The following SSB variants were observed in gnomAD, a reference collection of about 807,000 sequenced individuals.
SSB encodes the protein small RNA binding exonuclease protection factor La.
Under a neutral mutation model 52.9 loss-of-function variants are expected in SSB, and 17 were observed. That is an observed-to-expected ratio of 0.32 (90% CI 0.22 to 0.48). SSB has a LOEUF of 0.48. Ranked by LOEUF, SSB falls within the 20% of genes least tolerant of loss-of-function variation. The pLI is 0.99. For missense variants in SSB, 314 were observed against 463.6 expected (o/e 0.68, Z 2.96); for synonymous variants, 111 against 152.1 (o/e 0.73, Z 1.99).
At chr2:169,807,102 C>T (rs910453439) in intron 6 of SSB, 31 bp downstream of exon 6, 7 of 1,584,112 alleles carry the variant, frequency 4.4e-6, no homozygotes, top group Non-Finnish European at 6.1e-6. Flanking sequence ...TTCTCCTGGC[C>T]TTTTACTTAT....
In SSB at chr2:169,811,778, TC is replaced by T. The variant is rs1689963634; in HGVS notation, c.*23del. On this transcript the variant is annotated 3_prime_UTR_variant, in exon 12 of 12. Coordinates refer to ENST00000260956, the MANE Select transcript of SSB (RefSeq NM_003142.5). ...GTAGTTTAGTAAACCAATTTTTTAT[TC>T]ATTTTAAATAGGTTTTAAACGACTT... is the stretch of plus-strand genomic sequence containing the variant. The T allele has an allele frequency of 6.2e-7, 1 of 1,612,950 alleles. No homozygotes were observed.
At chr2:169,803,606 G>A (rs1689755941) in intron 2 of SSB, among the ~76,000 whole-genome samples, 3 of 151,996 alleles carry the variant, frequency 2.0e-5, no homozygotes, top group Admixed American at 6.6e-5. Flanking sequence ...TGTGCTTGTC[G>A]TCCTAGTTAC....
chr2:169,811,092 T>C (rs772608033), intron 10 of SSB, 48 bp downstream of exon 10: 1 of 1,593,650 alleles, frequency 6.3e-7, no homozygotes, highest in Non-Finnish European at 8.5e-7. Context: ...TGAACCCATT[T>C]ACTTGAGCAA....
chr2:169,811,212 A>G lies in SSB; in HGVS notation c.1027A>G (p.Asn343Asp), dbSNP rs1689945949. ...GRRFKGKGKG[N>D]KAAQPGSGKG... ...TAGATTTAAAGGAAAAGGAAAGGGT[A>G]ATAAAGCTGCCCAGCCTGGGTCTGG... The change falls in exon 11 of 12, where the codon AAT (asparagine) becomes GAT (aspartate). Residue 343 changes from asparagine to aspartate, a missense_variant. Coordinates refer to ENST00000260956, the MANE Select transcript of SSB (RefSeq NM_003142.5). 3 of 1,611,474 alleles carry G rather than the reference A, an allele frequency of 1.9e-6. No homozygotes were observed. The African/African-American group carries it at 4.0e-5, about 22-fold the overall frequency.
chr2:169,808,724 T>C (rs1689880509), intron 7 of SSB, 136 bp from the exon 8 acceptor site: 4 of 991,574 alleles, frequency 4.0e-6, no homozygotes, highest in East Asian at 2.6e-5. Flanking sequence ...CAGTCTAGCA[T>C]TGGACGATCA....
chr2:169,804,009 G>A (rs953072027), intron 2 of SSB, among the ~76,000 whole-genome samples: 9 of 152,214 alleles, frequency 5.9e-5, no homozygotes, highest in African/African-American at 2.2e-4. Flanking sequence ...AAAGTGCTGG[G>A]ATTATGGGCT....
rs1414383106 is a variant in SSB, at chr2:169,808,482, GGACGATTACTTT to G, written c.557_568del (p.Asp186_Phe189del). The G allele has an allele frequency of 3.7e-6, 6 of 1,612,808 alleles. No homozygotes were observed. Among genetic ancestry groups the G allele is most frequent in the Non-Finnish European group, 5.1e-6 (6 of 1,179,298 alleles). On this transcript the variant is annotated inframe_deletion and splice_region_variant, in exon 7 of 12. Coordinates refer to ENST00000260956, the MANE Select transcript of SSB (RefSeq NM_003142.5). The stretch of plus-strand genomic sequence containing the variant: ...AGCCTCTGTACTGTGTGTTCTTTAG[GGACGATTACTTT>G]GCCAAAAAAAATGAAGAAAGAAAAC...
chr2:169,811,858 C>A lies in SSB; in HGVS notation c.*102C>A, dbSNP rs1236493401. 1.2e-6 allele frequency: 2 copies of A among 1,611,958 alleles called. No individual in the cohort carries two copies. Among genetic ancestry groups the A allele is most frequent in the Non-Finnish European group, 8.5e-7 (1 of 1,179,484 alleles). On this transcript the variant is annotated 3_prime_UTR_variant, in exon 12 of 12. Coordinates refer to ENST00000260956, the MANE Select transcript of SSB (RefSeq NM_003142.5). ...CGAATTAGGTCCACTTCAATGTCCA[C>A]CTGTGAGAAAGGAAAAATTTTTTTG...
At chr2:169,810,072 ACAC>A (rs1376718048) in intron 8 of SSB, 2 of 300,972 alleles carry the variant, frequency 6.6e-6, no homozygotes, top group Non-Finnish European at 1.2e-5. Context: ...ACAAAGGAAA[ACAC>A]CAACACTATG....
intron 2 of SSB, among the ~76,000 whole-genome samples, chr2:169,804,249 T>TC (rs1156515412): frequency 1.4e-5 from 2 of 147,170 alleles, no homozygotes; most frequent in Non-Finnish European, 3.0e-5. Flanking sequence ...ACTTTTTTTT[T>TC]TTTTTTTTTT....
chr2:169,806,140 A>AT, intron 4 of SSB: 2 of 333,842 alleles, frequency 6.0e-6, no homozygotes, highest in South Asian at 2.5e-5. Flanking sequence ...CTGGCAAAAA[A>AT]TTTTTTGTAG....
In SSB at chr2:169,811,764, A is replaced by G. The variant is rs186906267; in HGVS notation, c.*8A>G. 1 of 1,613,048 alleles carries G rather than the reference A, an allele frequency of 6.2e-7. No individual in the cohort carries two copies. Among genetic ancestry groups the G allele is most frequent in the East Asian group, 2.2e-5 (1 of 44,844 alleles). On this transcript the variant is annotated 3_prime_UTR_variant, in exon 12 of 12. Transcript: ENST00000260956. ...GGTGCTGGAGACCAGTAGTTTAGTA[A>G]ACCAATTTTTTATTCATTTTAAATA...
chr2:169,811,941 TTG>T lies in SSB; in HGVS notation c.*189_*190del, dbSNP rs543484643. The T allele has an allele frequency of 1.8e-4, 258 of 1,459,086 alleles. No individual in the cohort carries two copies. The South Asian group carries it at 2.8e-3, about 16-fold the overall frequency. The allele number at this position is 1,459,086 out of a possible 1,614,324, so 90.4% of individuals were successfully genotyped here. A position where few individuals can be genotyped will look rare whatever the true frequency, so the allele number is the denominator to read the frequency against. ...GATTTCTTTGAATGTATTGTTCTGT[TTG>T]TGTTATTTCAGATGATTCAAATATC... On this transcript the variant is annotated 3_prime_UTR_variant, in exon 12 of 12. Coordinates refer to ENST00000260956, the MANE Select transcript of SSB (RefSeq NM_003142.5).
In SSB at chr2:169,810,447, T is replaced by G. The variant is rs750229134; in HGVS notation, c.810+24T>G. On this transcript the variant is annotated intron_variant, in intron 9 of 11. Coordinates refer to ENST00000260956, the MANE Select transcript of SSB (RefSeq NM_003142.5). ...AGGTTTGGATACATCCCTATCCTTTTTAGCAATCAGTTTGAAAATCTGTAG... is the reference window on the plus strand; with the variant it reads ...AGGTTTGGATACATCCCTATCCTTTGTAGCAATCAGTTTGAAAATCTGTAG... 3 of 1,568,986 alleles carry G rather than the reference T, an allele frequency of 1.9e-6. No homozygotes were observed. The Admixed American group carries it at 6.2e-5, about 32-fold the overall frequency.
At position 169,807,001 on chromosome 2, in the gene SSB, G is replaced by C; in HGVS notation, c.484G>C (p.Glu162Gln). Reference sequence around the variant, plus strand: ...AATTTTTGTTGTGTTTGATAGCATTGAATCTGCTAAGAAATTTGTAGAGAC... The same window carrying C: ...AATTTTTGTTGTGTTTGATAGCATTCAATCTGCTAAGAAATTTGTAGAGAC... The part of the protein sequence containing the change: ...GSIFVVFDSI[E>Q]SAKKFVETPG... Residue 162 changes from glutamate to glutamine, a missense_variant, in exon 6 of 12, where the codon GAA becomes CAA. Physicochemically the swap from Glu to Gln is conservative, Grantham distance 29. Coordinates refer to ENST00000260956, the MANE Select transcript of SSB (RefSeq NM_003142.5). 1 of 1,613,868 alleles carries C rather than the reference G, an allele frequency of 6.2e-7. No homozygotes were observed.
intron 2 of SSB, among the ~76,000 whole-genome samples, chr2:169,802,690 T>G (rs558252177): frequency 1.3e-5 from 2 of 152,316 alleles, no homozygotes; most frequent in South Asian, 4.1e-4. Context: ...CCTTATATTT[T>G]ACAACAGTTC....
At chr2:169,810,608 T>C (rs1689929174) in intron 9 of SSB, 185 bp downstream of exon 9, 1 of 683,250 alleles carries the variant, frequency 1.5e-6, no homozygotes. Flanking sequence ...TTCTACTTGA[T>C]CATTTACTTT....
chr2:169,809,908 G>T lies in SSB; in HGVS notation c.670-375G>T, dbSNP rs562295778. Among the ~76,000 whole-genome samples, 4 of 152,024 alleles carry T rather than the reference G, an allele frequency of 2.6e-5. No homozygotes were observed. In the South Asian group the frequency reaches 8.3e-4, roughly 32 times the overall value. On this transcript the variant is annotated intron_variant, in intron 8 of 11. Coordinates refer to ENST00000260956, the MANE Select transcript of SSB (RefSeq NM_003142.5). The stretch of plus-strand genomic sequence containing the variant: ...TGGGATTACAGGTGTCAGCCACTGC[G>T]CCCGGCCTAAAAATTTTTTAAAGTA...
chr2:169,810,607 A>G (rs73972626), intron 9 of SSB, 184 bp downstream of exon 9: 29,760 of 685,252 alleles, frequency 0.043, 942 homozygotes, highest in African/African-American at 0.13. Context: ...TTTCTACTTG[A>G]TCATTTACTT....
Sources: gnomAD v4.1 joint callset for allele counts (sites outside exome capture counted in the v4.1 genomes callset) on GRCh38, gnomAD v4.1.1 for gene constraint, MANE v1.5 for transcripts, NCBI Gene and HGNC (gene_info 2026-07-23, HGNC 2026-07-21) for gene names.